Variants in PDE1A observed in about 807,000 individuals in gnomAD.
PDE1A encodes dual specificity calcium/calmodulin-dependent 3',5'-cyclic nucleotide phosphodiesterase 1A.
A neutral mutation model predicts 61.7 loss-of-function variants in PDE1A; 35 were observed. The ratio of observed to expected loss-of-function variants is 0.57; its 90% CI spans 0.43 to 0.75. The LOEUF (loss-of-function observed/expected upper bound fraction) is 0.75. Among genes scored for constraint, PDE1A ranks in the 30% least tolerant of loss-of-function variants. PDE1A has a pLI of 0.00. For missense variants in PDE1A, 597 were observed against 630.6 expected, an observed-to-expected ratio of 0.95 and a Z score of 0.57; for synonymous variants, 232 against 213.2, an observed-to-expected ratio of 1.09 and a Z score of -0.77.
At chr2:182,541,707 C>G in the PDE1A span, among the ~76,000 whole-genome samples, 1 of 152,174 alleles carries the variant, frequency 6.6e-6, no homozygotes, top group Admixed American at 6.5e-5. Context: ...CCATTACAGA[C>G]TGACCATTAG....
At chr2:182,209,835 G>A (rs942025714) in intron 7 of PDE1A, among the ~76,000 whole-genome samples, 2 of 152,070 alleles carry the variant, frequency 1.3e-5, no homozygotes, top group African/African-American at 4.8e-5. Context: ...GGAACTATGA[G>A]TCAATTGAAC....
At chr2:182,562,397 G>A in the PDE1A span, among the ~76,000 whole-genome samples, 1 of 148,560 alleles carries the variant, frequency 6.7e-6, no homozygotes, top group Admixed American at 6.8e-5. Context: ...GCATCCCAGG[G>A]ATGAAGCCCA....
the PDE1A span, among the ~76,000 whole-genome samples, chr2:182,617,242 A>G: frequency 6.6e-6 from 1 of 152,114 alleles, no homozygotes; most frequent in Admixed American, 6.5e-5. Context: ...GTGGTCAATC[A>G]TGTCTATATG....
chr2:182,498,345 C>T (rs1312674949), intron 2 of PDE1A, among the ~76,000 whole-genome samples: 2 of 151,726 alleles, frequency 1.3e-5, no homozygotes, highest in African/African-American at 2.4e-5. Flanking sequence ...GAATGGAATG[C>T]TACAAATAAG....
chr2:182,629,671 C>A, the PDE1A span, among the ~76,000 whole-genome samples: 1 of 152,126 alleles, frequency 6.6e-6, no homozygotes, highest in Non-Finnish European at 1.5e-5. Context: ...TATGGGCATT[C>A]ACTTTGTTTC....
intron 1 of PDE1A, among the ~76,000 whole-genome samples, chr2:182,374,846 G>C (rs1574484162): frequency 6.6e-6 from 1 of 152,312 alleles, no homozygotes; most frequent in South Asian, 2.1e-4. Context: ...AAAAGAAAGA[G>C]GTTTAACTGA....
chr2:182,278,599 T>C (rs564024934), intron 1 of PDE1A, among the ~76,000 whole-genome samples: 4 of 152,102 alleles, frequency 2.6e-5, no homozygotes, highest in African/African-American at 9.6e-5. Context: ...GAAATGTTGT[T>C]TATGTATTAT....
chr2:182,449,837 C>G (rs1574684659), intron 2 of PDE1A, among the ~76,000 whole-genome samples: 1 of 151,962 alleles, frequency 6.6e-6, no homozygotes, highest in Non-Finnish European at 1.5e-5. Context: ...AGAATAATAA[C>G]TACTACATAG....
intron 1 of PDE1A, among the ~76,000 whole-genome samples, chr2:182,426,020 AT>A (rs780709808): frequency 6.6e-6 from 1 of 152,192 alleles, no homozygotes; most frequent in Non-Finnish European, 1.5e-5. Flanking sequence ...ATTATACTGT[AT>A]CTACATTTTG....
chr2:182,671,965 G>A, the PDE1A span, among the ~76,000 whole-genome samples: 767 of 151,996 alleles, frequency 5.0e-3, 7 homozygotes, highest in South Asian at 0.044. Flanking sequence ...CATACACCCC[G>A]CAATACTCCC....
At chr2:182,415,468 A>G (rs1221463792) in intron 1 of PDE1A, among the ~76,000 whole-genome samples, 1 of 152,170 alleles carries the variant, frequency 6.6e-6, no homozygotes, top group Non-Finnish European at 1.5e-5. Context: ...TCTATTAATG[A>G]AATCATGAAA....
Position 182,147,162 on chromosome 2 carries a change from T to C in PDE1A, c.1517-10A>G. The C allele has an allele frequency of 6.5e-7, 1 of 1,544,924 alleles. No homozygotes were observed. The highest frequency in any genetic ancestry group is 1.2e-5 in the South Asian group (1 of 86,652). ...TGAAGATCAGATTCACCTAAAAATA[T>C]AAGGAAACAAAAGCAAAACAAAACA... On this transcript the variant is annotated splice_polypyrimidine_tract_variant and intron_variant, in intron 13 of 13. Transcript: ENST00000409365.
intron 1 of PDE1A, among the ~76,000 whole-genome samples, chr2:182,317,304 T>C (rs931918094): frequency 3.3e-5 from 5 of 152,040 alleles, no homozygotes; most frequent in Admixed American, 6.6e-5. Context: ...CTATGATTCA[T>C]TGAGCTAGGA....
intron 7 of PDE1A, among the ~76,000 whole-genome samples, chr2:182,209,146 C>T (rs1687362602): frequency 6.6e-6 from 1 of 152,032 alleles, no homozygotes; most frequent in African/African-American, 2.4e-5. Flanking sequence ...GGGCAATTTA[C>T]AAAAGAAAGA....
intron 1 of PDE1A, among the ~76,000 whole-genome samples, chr2:182,277,125 TC>T (rs1170106709): frequency 6.6e-6 from 1 of 152,100 alleles, no homozygotes; most frequent in Non-Finnish European, 1.5e-5. Context: ...AAGCATGTGA[TC>T]TTTGTTCTCC....
At chr2:182,214,810 A>T (rs1293878988) in intron 7 of PDE1A, among the ~76,000 whole-genome samples, 2 of 109,402 alleles carry the variant, frequency 1.8e-5, no homozygotes, top group African/African-American at 7.5e-5. Context: ...CCACACATTA[A>T]TAATGGGAGA....
intron 1 of PDE1A, among the ~76,000 whole-genome samples, chr2:182,273,911 A>AAT (rs1693219013): frequency 6.6e-6 from 1 of 152,126 alleles, no homozygotes; most frequent in Non-Finnish European, 1.5e-5. Context: ...GACCAAACAA[A>AAT]ATACCATGTA....
At chr2:182,627,277 T>C in the PDE1A span, among the ~76,000 whole-genome samples, 4 of 92,546 alleles carry the variant, frequency 4.3e-5, no homozygotes, top group Non-Finnish European at 5.9e-5. Flanking sequence ...ATAAATAATA[T>C]ATAAAATATA....
chr2:182,571,362 T>C, the PDE1A span, among the ~76,000 whole-genome samples: 3 of 152,132 alleles, frequency 2.0e-5, no homozygotes, highest in African/African-American at 7.2e-5. Context: ...GAAGAGATGA[T>C]AGGACTGGAC....
Sources: gnomAD v4.1 joint callset for allele counts (sites outside exome capture counted in the v4.1 genomes callset) on GRCh38, gnomAD v4.1.1 for gene constraint, MANE v1.5 for transcripts, NCBI Gene and HGNC (gene_info 2026-07-23, HGNC 2026-07-21) for gene names.